Variants in FAAH2 observed in about 807,000 individuals in gnomAD.
FAAH2 encodes fatty acid amide hydrolase 2.
Under a neutral mutation model 36.9 loss-of-function variants are expected in FAAH2, and 60 were observed. The ratio of observed to expected loss-of-function variants is 1.63; its 90% CI spans 1.32 to 2.02. FAAH2 has a LOEUF of 2.02. Among genes scored for constraint, FAAH2 ranks in the 30% most tolerant of loss-of-function variants. FAAH2 has a pLI of 0.00. For synonymous variants in FAAH2, 214 were observed against 143.8 expected (o/e 1.49, Z -3.49); for missense variants, 689 against 397.5 (o/e 1.73, Z -6.23).
chrX:57,464,017 T>C (rs2057006079), intron 10 of FAAH2, among the ~76,000 whole-genome samples: 1 of 112,027 alleles, frequency 8.9e-6, no homozygotes, highest in Non-Finnish European at 1.9e-5. Flanking sequence ...TGCCCATCAA[T>C]GATAGATTGG....
At chrX:57,175,154 CTTG>C in the FAAH2 span, among the ~76,000 whole-genome samples, 36 of 111,572 alleles carry the variant, frequency 3.2e-4, no homozygotes, top group Non-Finnish European at 5.8e-4. Context: ...TGATCTGTCT[CTTG>C]TTGTCAGTGG....
chrX:57,204,200 C>G, the FAAH2 span, among the ~76,000 whole-genome samples: 1 of 111,066 alleles, frequency 9.0e-6, no homozygotes, highest in Non-Finnish European at 1.9e-5. Context: ...TATTTCTGTC[C>G]AGGTCCAAAT....
At chrX:57,182,017 G>A in the FAAH2 span, among the ~76,000 whole-genome samples, 1 of 111,792 alleles carries the variant, frequency 8.9e-6, no homozygotes, top group Non-Finnish European at 1.9e-5. Flanking sequence ...TGGGATAACT[G>A]GCTATCTATA....
At chrX:57,377,236 A>G (rs986150169) in intron 5 of FAAH2, among the ~76,000 whole-genome samples, 1 of 112,027 alleles carries the variant, frequency 8.9e-6, no homozygotes, top group Non-Finnish European at 1.9e-5. Flanking sequence ...CTATGTCCTG[A>G]ATGGTATTGC....
intron 2 of FAAH2, among the ~76,000 whole-genome samples, chrX:57,305,947 C>A (rs926989900): frequency 3.6e-5 from 4 of 111,912 alleles, no homozygotes; most frequent in African/African-American, 9.8e-5. Context: ...TTCCTAAACA[C>A]AAGGCTACAG....
the FAAH2 span, among the ~76,000 whole-genome samples, chrX:57,275,325 G>A: frequency 1.8e-5 from 2 of 112,482 alleles, no homozygotes; most frequent in African/African-American, 6.5e-5. Flanking sequence ...AAAATGTCCA[G>A]ATGTGGAAAG....
intron 5 of FAAH2, among the ~76,000 whole-genome samples, chrX:57,365,347 T>A (rs1315974886): frequency 2.7e-5 from 3 of 112,208 alleles, no homozygotes; most frequent in African/African-American, 9.7e-5. Flanking sequence ...CATTCATGGT[T>A]GGAATTTCTT....
chrX:57,456,254 A>T (rs1438187634), intron 10 of FAAH2, among the ~76,000 whole-genome samples: 2 of 112,134 alleles, frequency 1.8e-5, no homozygotes, highest in Non-Finnish European at 3.8e-5. Flanking sequence ...AAATTAATGA[A>T]ATAGGAGACA....
Position 57,298,694 on chromosome X carries a change from T to A in FAAH2, c.275+6114T>A, listed in dbSNP as rs1362490601. Among the ~76,000 whole-genome samples, 2 of 54,175 alleles carry A rather than the reference T, an allele frequency of 3.7e-5. 1 individual carries two copies. Among genetic ancestry groups the A allele is most frequent in the African/African-American group, 1.4e-4 (2 of 13,834 alleles). The allele number at this position is 54,175 out of a possible 115,157, so 47.0% of individuals were successfully genotyped here. On this transcript the variant is annotated intron_variant, in intron 2 of 10. Transcript: ENST00000374900. ...TGGTTTTTTGAAAAGATCAACAAAA[T>A]TGATAGACCACTAGCCAGACTAATA... is the stretch of plus-strand genomic sequence containing the variant.
the FAAH2 span, among the ~76,000 whole-genome samples, chrX:57,273,484 A>G: frequency 1.8e-5 from 2 of 111,736 alleles, no homozygotes; most frequent in South Asian, 7.4e-4. Context: ...CATAGCACTT[A>G]TTTTAAAATT....
intron 10 of FAAH2, among the ~76,000 whole-genome samples, chrX:57,469,316 G>T (rs1290641615): frequency 1.8e-5 from 2 of 111,611 alleles, no homozygotes; most frequent in Non-Finnish European, 3.8e-5. Flanking sequence ...ATTGGATAGA[G>T]AGTCAAGACC....
chrX:57,127,566 A>T, the FAAH2 span, among the ~76,000 whole-genome samples: 1 of 112,026 alleles, frequency 8.9e-6, no homozygotes, highest in Non-Finnish European at 1.9e-5. Flanking sequence ...AGAATAAAAA[A>T]TAACATTCTA....
At chrX:57,321,231 G>A (rs993009095) in intron 3 of FAAH2, among the ~76,000 whole-genome samples, 1 of 109,950 alleles carries the variant, frequency 9.1e-6, no homozygotes, top group Non-Finnish European at 1.9e-5. Context: ...AACACAAATC[G>A]GAAAACACTG....
At chrX:57,446,081 A>C (rs1398353607) in intron 8 of FAAH2, among the ~76,000 whole-genome samples, 3 of 112,247 alleles carry the variant, frequency 2.7e-5, no homozygotes, top group Non-Finnish European at 5.6e-5. Context: ...CCTATGTTGC[A>C]TACCACTGGG....
At position 57,469,944 on chromosome X, in the gene FAAH2, C is replaced by T. The variant is rs958876526; in HGVS notation, c.1424-18813C>T. On this transcript the variant is annotated intron_variant, in intron 10 of 10. Coordinates refer to ENST00000374900, the MANE Select transcript of FAAH2 (RefSeq NM_174912.4). ...CAAACTAGAACTCAGGATTAATAAACTCACTCAAAACCACTCAGCTACATG... is the reference window on the plus strand; with the variant it reads ...CAAACTAGAACTCAGGATTAATAAATTCACTCAAAACCACTCAGCTACATG... Among the ~76,000 whole-genome samples, 3 of 111,821 alleles carry T rather than the reference C, an allele frequency of 2.7e-5. No homozygotes were observed. In the Admixed American group the frequency reaches 2.9e-4, roughly 11 times the overall value.
intron 7 of FAAH2, among the ~76,000 whole-genome samples, chrX:57,383,160 A>C (rs1486352056): frequency 2.7e-5 from 3 of 112,190 alleles, no homozygotes; most frequent in Non-Finnish European, 5.6e-5. Context: ...TAAATTAGGT[A>C]TTGATGGGAC....
At chrX:57,159,319 G>A in the FAAH2 span, among the ~76,000 whole-genome samples, 34 of 111,947 alleles carry the variant, frequency 3.0e-4, no homozygotes, top group South Asian at 3.4e-3. Flanking sequence ...ACTTGGCTAT[G>A]CGGGCTGTTT....
At chrX:57,272,982 G>A in the FAAH2 span, among the ~76,000 whole-genome samples, 1 of 111,998 alleles carries the variant, frequency 8.9e-6, no homozygotes, top group Non-Finnish European at 1.9e-5. Flanking sequence ...TGGATAAAAA[G>A]TCAAGACACC....
At chrX:57,225,340 C>A in the FAAH2 span, among the ~76,000 whole-genome samples, 1 of 111,107 alleles carries the variant, frequency 9.0e-6, no homozygotes, top group East Asian at 2.8e-4. Flanking sequence ...TAGGTTGTGT[C>A]ATTATTGTCA....
Sources: gnomAD v4.1 joint callset for allele counts (sites outside exome capture counted in the v4.1 genomes callset) on GRCh38, gnomAD v4.1.1 for gene constraint, MANE v1.5 for transcripts, NCBI Gene and HGNC (gene_info 2026-07-23, HGNC 2026-07-21) for gene names.